Variants in RHEX observed in about 807,000 individuals in gnomAD.
RHEX encodes the protein regulator of hemoglobinization and erythroid cell expansion protein.
A neutral mutation model predicts 20.1 loss-of-function variants in RHEX; 18 were observed. The observed-to-expected ratio is 0.90, with a 90% confidence interval of 0.62 to 1.33. The LOEUF (loss-of-function observed/expected upper bound fraction) is 1.33, where lower values mean the gene tolerates loss of function less well. Ranked by LOEUF, RHEX falls within the 40% of genes most tolerant of loss-of-function variation. RHEX has a pLI of 0.00. For missense variants in RHEX, 192 were observed against 214.3 expected (o/e 0.90, Z 0.65); for synonymous variants, 87 against 77.1 (o/e 1.13, Z -0.67).
At chr1:206,072,854 CAG>C (rs1221149983) in intron 1 of RHEX, among the ~76,000 whole-genome samples, 1 of 127,428 alleles carries the variant, frequency 7.8e-6, no homozygotes, top group Admixed American at 8.5e-5. Flanking sequence ...TTTTTTGAGA[CAG>C]GGTCTCGCTC....
chr1:206,056,884 C>G (rs1023728922), intron 1 of RHEX, among the ~76,000 whole-genome samples: 1 of 152,222 alleles, frequency 6.6e-6, no homozygotes, highest in Admixed American at 6.5e-5. Context: ...TGCGTTATTT[C>G]GGCTACTTGA....
chr1:206,101,689 G>C (rs570358618), intron 5 of RHEX, 63 bp from the exon 6 acceptor site: 5 of 1,270,736 alleles, frequency 3.9e-6, no homozygotes, highest in Admixed American at 3.9e-5. Flanking sequence ...TTCAGTCCTG[G>C]GGTCTTATTT....
chr1:206,080,015 G>A (rs1662706185), intron 1 of RHEX, among the ~76,000 whole-genome samples: 1 of 152,184 alleles, frequency 6.6e-6, no homozygotes. Flanking sequence ...CTACCAGAGG[G>A]GGCAAGCCTT....
At chr1:206,096,646 A>G (rs868914569) in intron 1 of RHEX, among the ~76,000 whole-genome samples, 7 of 152,336 alleles carry the variant, frequency 4.6e-5, no homozygotes, top group Middle Eastern at 3.4e-3. Context: ...CCCTTTTTCA[A>G]TCAAGTCACC....
chr1:206,080,374 AC>A (rs1459667960), intron 1 of RHEX: 6 of 152,198 alleles, frequency 3.9e-5, no homozygotes, highest in Non-Finnish European at 8.8e-5. Context: ...AACATTCCCT[AC>A]TTTAAAATAG....
rs1429071142 is a variant in RHEX, at chr1:206,064,223, C to T, written c.-97+10958C>T. ...GCCGCCCCGTCTGGGAAGTGAGGAG[C>T]GTCTCTGCCCGGCAGCCACCCCGTC... is the stretch of plus-strand genomic sequence containing the variant. On this transcript the variant is annotated intron_variant, in intron 1 of 5. Coordinates refer to ENST00000331555, the MANE Select transcript of RHEX (RefSeq NM_001007544.4). Among the ~76,000 whole-genome samples, 9 of 147,048 alleles carry T rather than the reference C, an allele frequency of 6.1e-5. 1 individual carries two copies. Among genetic ancestry groups the T allele is most frequent in the Admixed American group, 5.3e-4 (8 of 15,006 alleles).
intron 1 of RHEX, among the ~76,000 whole-genome samples, chr1:206,072,207 A>G (rs573378699): frequency 6.6e-6 from 1 of 152,334 alleles, no homozygotes; most frequent in Non-Finnish European, 1.5e-5. Context: ...GGACACATTC[A>G]ATGTACAAAG....
intron 2 of RHEX, 51 bp from the exon 3 acceptor site, chr1:206,098,030 G>A: frequency 7.1e-7 from 1 of 1,418,028 alleles, no homozygotes; most frequent in African/African-American, 1.4e-5. Flanking sequence ...GTTTGCAATT[G>A]TATTCACATC....
At position 206,057,202 on chromosome 1, in the gene RHEX, A is replaced by G. The variant is rs375938719; in HGVS notation, c.-97+3937A>G. 2.4e-4 allele frequency among the ~76,000 whole-genome samples: 37 copies of G among 152,372 alleles called. No individual in the cohort carries two copies. In the East Asian group the frequency reaches 5.8e-3, roughly 24 times the overall value. On this transcript the variant is annotated intron_variant, in intron 1 of 5. Transcript: ENST00000331555. The stretch of plus-strand genomic sequence containing the variant: ...AATTTGTTTTTGCAATTAGCCAAAC[A>G]TGTAGCCCAGTCTCTACAAGTCGCC...
intron 1 of RHEX, among the ~76,000 whole-genome samples, chr1:206,074,814 A>C (rs556459755): frequency 6.6e-6 from 1 of 152,376 alleles, no homozygotes; most frequent in East Asian, 1.9e-4. Context: ...ATGTAGGCAC[A>C]GAGCACACAG....
intron 1 of RHEX, among the ~76,000 whole-genome samples, chr1:206,086,064 C>G (rs754255214): frequency 6.6e-6 from 1 of 152,184 alleles, no homozygotes; most frequent in Non-Finnish European, 1.5e-5. Context: ...TCCATCCCTC[C>G]CTTTCCTCAG....
At chr1:206,072,926 G>A (rs1662564168) in intron 1 of RHEX, among the ~76,000 whole-genome samples, 1 of 150,290 alleles carries the variant, frequency 6.7e-6, no homozygotes, top group Non-Finnish European at 1.5e-5. Context: ...TAACCTTCTG[G>A]ACTCAAGCAA....
chr1:206,058,860 TC>T, intron 1 of RHEX, among the ~76,000 whole-genome samples: 1 of 152,320 alleles, frequency 6.6e-6, no homozygotes, highest in Admixed American at 6.5e-5. Flanking sequence ...ATAAAGCCCT[TC>T]CTTCTACAAT....
At chr1:206,081,062 A>G (rs1480707120) in intron 1 of RHEX, among the ~76,000 whole-genome samples, 1 of 151,884 alleles carries the variant, frequency 6.6e-6, no homozygotes, top group Non-Finnish European at 1.5e-5. Context: ...GCTGGTCTCA[A>G]ACTCCTGGGC....
chr1:206,057,271 A>G (rs1343926415), intron 1 of RHEX, among the ~76,000 whole-genome samples: 2 of 152,282 alleles, frequency 1.3e-5, no homozygotes, highest in East Asian at 1.9e-4. Context: ...ATCAATGGCC[A>G]TGGGAAGCCC....
At chr1:206,061,896 A>G (rs1662316511) in intron 1 of RHEX, 1 of 151,678 alleles carries the variant, frequency 6.6e-6, no homozygotes, top group South Asian at 2.1e-4. Context: ...TTTGCTTTAG[A>G]TTTATGTGTG....
chr1:206,097,653 A>T, intron 1 of RHEX, 80 bp from the exon 2 acceptor site: 1 of 791,730 alleles, frequency 1.3e-6, no homozygotes, highest in Non-Finnish European at 2.1e-6. Flanking sequence ...GTCACAATTG[A>T]TCCTCAAGTA....
chr1:206,069,662 C>A (rs1662491738), intron 1 of RHEX, among the ~76,000 whole-genome samples: 1 of 152,146 alleles, frequency 6.6e-6, no homozygotes, highest in Admixed American at 6.5e-5. Flanking sequence ...AGTCTTTGTG[C>A]ACTGGAGATG....
chr1:206,064,282 C>T (rs1296309629), intron 1 of RHEX, among the ~76,000 whole-genome samples: 13 of 143,526 alleles, frequency 9.1e-5, no homozygotes, highest in Non-Finnish European at 1.5e-4. Flanking sequence ...GCCCCCCGCC[C>T]GGCCAGCCGC....
Sources: allele counts gnomAD v4.1 joint callset (sites outside exome capture counted in the v4.1 genomes callset), GRCh38; gene constraint gnomAD v4.1.1; transcripts MANE v1.5; gene names NCBI Gene and HGNC (gene_info 2026-07-23, HGNC 2026-07-21).